NDUFS4: variants seen among roughly 807,000 people sequenced by gnomAD.
NDUFS4 encodes NADH:ubiquinone oxidoreductase subunit S4.
NDUFS4 carries 28 observed loss-of-function variants against 24.3 expected under a neutral mutation model. The observed-to-expected ratio is 1.15, with a 90% CI of 0.85 to 1.58. The LOEUF (loss-of-function observed/expected upper bound fraction) is 1.58. Ranked by LOEUF, NDUFS4 falls within the 40% of genes most tolerant of loss-of-function variation. The probability of loss-of-function intolerance (pLI) is 0.00; values close to 1 mark genes in which losing one functional copy is unlikely to be tolerated. For missense variants in NDUFS4, 223 were observed against 207.9 expected (o/e 1.07, Z -0.45); for synonymous variants, 93 against 69.7 (o/e 1.34, Z -1.67).
At chr5:53,663,882 C>T (rs256114) in intron 4 of NDUFS4, among the ~76,000 whole-genome samples, 53,155 of 151,906 alleles carry the variant, frequency 0.35, 10,178 homozygotes, top group African/African-American at 0.51. Flanking sequence ...ATTATGATGT[C>T]AGCTGGTTAT....
chr5:53,594,846 G>A (rs1411318241), intron 1 of NDUFS4, among the ~76,000 whole-genome samples: 2 of 150,056 alleles, frequency 1.3e-5, no homozygotes, highest in African/African-American at 4.9e-5. Context: ...CACATACATT[G>A]CATTTGTATA....
chr5:53,621,988 C>T (rs543258657), intron 2 of NDUFS4, among the ~76,000 whole-genome samples: 19 of 152,126 alleles, frequency 1.2e-4, no homozygotes, highest in African/African-American at 3.4e-4. Context: ...GCGTGAGCCA[C>T]CGCGCCCGGC....
intron 1 of NDUFS4, among the ~76,000 whole-genome samples, chr5:53,588,733 T>C (rs1020812516): frequency 1.3e-5 from 2 of 152,258 alleles, no homozygotes; most frequent in Non-Finnish European, 2.9e-5. Flanking sequence ...AATTGAAGTA[T>C]GCAACTTGTA....
At chr5:53,589,198 C>A (rs1367473753) in intron 1 of NDUFS4, among the ~76,000 whole-genome samples, 2 of 152,210 alleles carry the variant, frequency 1.3e-5, no homozygotes, top group Admixed American at 6.5e-5. Context: ...ACACTCCCAA[C>A]CTCAGTCAAT....
At chr5:53,593,423 C>G (rs1750036743) in intron 1 of NDUFS4, among the ~76,000 whole-genome samples, 1 of 151,728 alleles carries the variant, frequency 6.6e-6, no homozygotes, top group Non-Finnish European at 1.5e-5. Context: ...CTCTCTCTCT[C>G]TCATCTGTCT....
chr5:53,658,134 A>G (rs559579071), intron 3 of NDUFS4, among the ~76,000 whole-genome samples: 1 of 152,272 alleles, frequency 6.6e-6, no homozygotes, highest in African/African-American at 2.4e-5. Context: ...AAGGAGACTC[A>G]GAAGAAGTTA....
intron 2 of NDUFS4, among the ~76,000 whole-genome samples, chr5:53,642,659 G>A (rs764612660): frequency 6.6e-5 from 10 of 151,998 alleles, no homozygotes; most frequent in Non-Finnish European, 2.9e-5. Flanking sequence ...GTTGATAACC[G>A]AATCATACAG....
intron 1 of NDUFS4, among the ~76,000 whole-genome samples, chr5:53,596,341 G>A (rs1438781513): frequency 6.6e-6 from 1 of 152,124 alleles, no homozygotes; most frequent in African/African-American, 2.4e-5. Context: ...GCTGAGGTGG[G>A]AGGATCGCTT....
intron 4 of NDUFS4, among the ~76,000 whole-genome samples, chr5:53,682,239 T>TAAAG (rs938258961): frequency 2.6e-5 from 4 of 152,136 alleles, no homozygotes; most frequent in Non-Finnish European, 2.9e-5. Flanking sequence ...TTAGGAGAAC[T>TAAAG]AAAGAACAGG....
chr5:53,679,910 G>C (rs955626094), intron 4 of NDUFS4, among the ~76,000 whole-genome samples: 4 of 152,080 alleles, frequency 2.6e-5, no homozygotes, highest in Non-Finnish European at 5.9e-5. Context: ...ATCTACACTA[G>C]AAACCATTTC....
intron 4 of NDUFS4, among the ~76,000 whole-genome samples, chr5:53,674,654 A>G (rs1414804509): frequency 6.6e-6 from 1 of 152,186 alleles, no homozygotes; most frequent in Non-Finnish European, 1.5e-5. Context: ...TCTAATAAAT[A>G]TCTATTAATT....
At chr5:53,612,778 C>T (rs1026530231) in intron 2 of NDUFS4, among the ~76,000 whole-genome samples, 1 of 152,076 alleles carries the variant, frequency 6.6e-6, no homozygotes, top group Non-Finnish European at 1.5e-5. Context: ...GTTAGAATGT[C>T]TGTAAGCAGC....
intron 2 of NDUFS4, among the ~76,000 whole-genome samples, chr5:53,618,680 C>G (rs1337417293): frequency 6.6e-6 from 1 of 152,114 alleles, no homozygotes; most frequent in Non-Finnish European, 1.5e-5. Flanking sequence ...AGGTGTATTG[C>G]TATATAATTA....
chr5:53,652,062 C>T (rs573036523), intron 3 of NDUFS4, among the ~76,000 whole-genome samples: 35 of 152,204 alleles, frequency 2.3e-4, no homozygotes, highest in African/African-American at 7.5e-4. Flanking sequence ...CGTGGGCCAC[C>T]GTGCCCGGCC....
At position 53,565,436 on chromosome 5, in the gene NDUFS4, T is replaced by A. The variant is rs535137658; in HGVS notation, c.98+4676T>A. 3.2e-4 allele frequency among the ~76,000 whole-genome samples: 48 copies of A among 152,312 alleles called. 1 individual carries two copies. The highest frequency in any genetic ancestry group is 1.1e-3 in the African/African-American group (46 of 41,562). On this transcript the variant is annotated intron_variant, in intron 1 of 4. Coordinates refer to ENST00000296684, the MANE Select transcript of NDUFS4 (RefSeq NM_002495.4). Reference sequence around the variant, plus strand: ...TTTTGAGGACACAACCACATTTTTGTTTATTTGTGTGTACTTCATGGCATC... The same window carrying A: ...TTTTGAGGACACAACCACATTTTTGATTATTTGTGTGTACTTCATGGCATC...
intron 2 of NDUFS4, among the ~76,000 whole-genome samples, chr5:53,629,556 G>T (rs574484764): frequency 2.0e-4 from 30 of 152,196 alleles, no homozygotes; most frequent in African/African-American, 6.5e-4. Flanking sequence ...TATGAATCTG[G>T]GTGCTCCTGT....
At chr5:53,625,579 C>G (rs146537782) in intron 2 of NDUFS4, among the ~76,000 whole-genome samples, 1 of 152,118 alleles carries the variant, frequency 6.6e-6, no homozygotes, top group Non-Finnish European at 1.5e-5. Context: ...TGGTTAGTTT[C>G]TATTGTCCTG....
At chr5:53,609,281 C>T (rs1173744732) in intron 2 of NDUFS4, among the ~76,000 whole-genome samples, 2 of 152,178 alleles carry the variant, frequency 1.3e-5, no homozygotes, top group African/African-American at 2.4e-5. Context: ...ACTCCTTGGT[C>T]CACGGGCTGC....
At chr5:53,615,022 T>C (rs781160008) in intron 2 of NDUFS4, among the ~76,000 whole-genome samples, 1 of 151,942 alleles carries the variant, frequency 6.6e-6, no homozygotes, top group Non-Finnish European at 1.5e-5. Context: ...ATTTTTTTCA[T>C]TTAACTGAAT....
Sources: gnomAD v4.1 joint callset for allele counts (sites outside exome capture counted in the v4.1 genomes callset) on GRCh38, gnomAD v4.1.1 for gene constraint, MANE v1.5 for transcripts, NCBI Gene and HGNC (gene_info 2026-07-23, HGNC 2026-07-21) for gene names.